PIK3CB: variants seen among roughly 807,000 people sequenced by gnomAD.
PIK3CB encodes the protein phosphatidylinositol 4,5-bisphosphate 3-kinase catalytic subunit beta isoform.
Under a neutral mutation model 136.8 loss-of-function variants are expected in PIK3CB, and 39 were observed. The observed-to-expected ratio is 0.29, with a 90% CI of 0.22 to 0.37. The LOEUF (loss-of-function observed/expected upper bound fraction) is 0.37. Ranked by LOEUF, PIK3CB falls within the 10% of genes least tolerant of loss-of-function variation. The probability of loss-of-function intolerance (pLI) is 1.00; values close to 1 mark genes in which losing one functional copy is unlikely to be tolerated. For synonymous variants in PIK3CB, 428 were observed against 436.6 expected (o/e 0.98, Z 0.25); for missense variants, 868 against 1,275.4 (o/e 0.68, Z 4.87).
At chr3:138,655,570 G>A (rs2108383088) in intron 23 of PIK3CB, 44 bp from the exon 24 acceptor site, 2 of 1,502,370 alleles carry the variant, frequency 1.3e-6, no homozygotes, top group Non-Finnish European at 1.9e-6. Flanking sequence ...AACTTTAGTA[G>A]AGATGTGCAA....
Position 138,655,461 on chromosome 3 carries a change from C to T in PIK3CB, c.3141G>A (p.Glu1047=), listed in dbSNP as rs1474289190. The T allele has an allele frequency of 1.9e-6, 3 of 1,613,622 alleles. No individual in the cohort carries two copies. The highest frequency in any genetic ancestry group is 2.5e-6 in the Non-Finnish European group (3 of 1,179,500). ...ALKQFKQKFD[E]ALRESWTTKV... ...TAGTAGTCCAGCTTTCCCTGAGCGC[C>T]TCATCAAATTTTTGCTTAAACTGTT... The change falls in exon 24 of 24, where the codon GAG becomes GAA. Residue 1047 remains glutamate, a synonymous_variant. Transcript: ENST00000674063.
chr3:138,767,263 CT>C (rs1349949093), intron 2 of PIK3CB, among the ~76,000 whole-genome samples: 3 of 152,126 alleles, frequency 2.0e-5, no homozygotes, highest in South Asian at 2.1e-4. Flanking sequence ...TTATATAAGA[CT>C]TTTTTTGTTA....
At chr3:138,693,992 A>ATATT (rs2044081593) in intron 14 of PIK3CB, among the ~76,000 whole-genome samples, 2 of 113,324 alleles carry the variant, frequency 1.8e-5, no homozygotes, top group Non-Finnish European at 1.8e-5. Flanking sequence ...ATATATATAT[A>ATATT]TTTTAAACCC....
At chr3:138,665,616 G>A (rs551720215) in intron 19 of PIK3CB, among the ~76,000 whole-genome samples, 7 of 152,284 alleles carry the variant, frequency 4.6e-5, no homozygotes, top group South Asian at 4.1e-4. Context: ...GGGAAACTCC[G>A]TCCTTCTGGT....
intron 10 of PIK3CB, among the ~76,000 whole-genome samples, chr3:138,708,976 T>G (rs1252946456): frequency 6.6e-6 from 1 of 151,618 alleles, no homozygotes; most frequent in Non-Finnish European, 1.5e-5. Context: ...GGAGACAGAG[T>G]CTCACTATGT....
chr3:138,735,869 TATATG>T (rs1185548024), intron 6 of PIK3CB, among the ~76,000 whole-genome samples: 12 of 152,170 alleles, frequency 7.9e-5, no homozygotes, highest in East Asian at 1.9e-4. Flanking sequence ...TCAGAAGTTA[TATATG>T]ATATTATGAT....
chr3:138,765,308 C>A (rs929279788), intron 2 of PIK3CB, among the ~76,000 whole-genome samples: 1 of 151,896 alleles, frequency 6.6e-6, no homozygotes, highest in Non-Finnish European at 1.5e-5. Flanking sequence ...CAGAGCAAGA[C>A]TCCATTTCCA....
chr3:138,669,137 T>G (rs536406427), intron 19 of PIK3CB, among the ~76,000 whole-genome samples: 4 of 152,164 alleles, frequency 2.6e-5, no homozygotes, highest in African/African-American at 9.6e-5. Context: ...GTAGGCCAGG[T>G]GCGGTGGCTC....
chr3:138,724,806 C>T (rs530572487), intron 8 of PIK3CB, among the ~76,000 whole-genome samples: 5 of 152,226 alleles, frequency 3.3e-5, no homozygotes, highest in East Asian at 1.9e-4. Flanking sequence ...AAAGCCACGG[C>T]GGAGACCAAA....
chr3:138,702,439 C>G (rs938810191), intron 12 of PIK3CB, among the ~76,000 whole-genome samples: 2 of 152,054 alleles, frequency 1.3e-5, no homozygotes, highest in African/African-American at 4.8e-5. Context: ...GTATATCAGA[C>G]CTGGGCAAGA....
intron 21 of PIK3CB, among the ~76,000 whole-genome samples, chr3:138,658,428 T>C (rs1409018780): frequency 1.3e-5 from 2 of 152,058 alleles, no homozygotes; most frequent in Non-Finnish European, 2.9e-5. Flanking sequence ...CTTGCCTGGG[T>C]GACAGAGTAA....
At chr3:138,762,363 T>C (rs1168833829) in intron 2 of PIK3CB, among the ~76,000 whole-genome samples, 3 of 152,260 alleles carry the variant, frequency 2.0e-5, no homozygotes, top group Non-Finnish European at 4.4e-5. Context: ...GTCTTACTTT[T>C]AGCCATGCTA....
chr3:138,745,481 A>G (rs1471752287), intron 4 of PIK3CB, among the ~76,000 whole-genome samples: 1 of 152,052 alleles, frequency 6.6e-6, no homozygotes, highest in East Asian at 1.9e-4. Context: ...AAAAACACAA[A>G]AATTAGCCAG....
chr3:138,666,870 A>G (rs956709436), intron 19 of PIK3CB, among the ~76,000 whole-genome samples: 6 of 152,166 alleles, frequency 3.9e-5, no homozygotes, highest in African/African-American at 1.2e-4. Context: ...TGATCTCTGT[A>G]TAAGGAAGAA....
At chr3:138,789,887 C>T (rs2046029078) in intron 2 of PIK3CB, among the ~76,000 whole-genome samples, 1 of 152,136 alleles carries the variant, frequency 6.6e-6, no homozygotes, top group Admixed American at 6.6e-5. Context: ...GACGGGGTTT[C>T]ACCATGTTGG....
rs188519772 is a variant in PIK3CB, at chr3:138,677,079, T to G, written c.2504+4888A>C. On this transcript the variant is annotated intron_variant, in intron 19 of 23. Coordinates refer to ENST00000674063, the MANE Select transcript of PIK3CB (RefSeq NM_006219.3). ...CAAGATTTTTTTTTTTTTTTTGAGA[T>G]GGAGCTTCGCTCTTGTTGCCCAGGC... Among the ~76,000 whole-genome samples, 565 of 143,410 alleles carry G rather than the reference T, an allele frequency of 3.9e-3. 3 individuals are homozygous for G. Among genetic ancestry groups the G allele is most frequent in the African/African-American group, 0.014 (541 of 39,458 alleles). The allele number at this position is 143,410 out of a possible 152,430, so 94.1% of individuals were successfully genotyped here. A position where few individuals can be genotyped will look rare whatever the true frequency, so the allele number is the denominator to read the frequency against.
At chr3:138,784,870 G>A (rs1227016846) in intron 2 of PIK3CB, among the ~76,000 whole-genome samples, 2 of 152,040 alleles carry the variant, frequency 1.3e-5, no homozygotes, top group African/African-American at 4.8e-5. Flanking sequence ...GAAGTGAGGA[G>A]CGTCTCCCTG....
At chr3:138,781,351 T>C (rs2045921314) in intron 2 of PIK3CB, among the ~76,000 whole-genome samples, 1 of 151,296 alleles carries the variant, frequency 6.6e-6, no homozygotes, top group African/African-American at 2.4e-5. Context: ...TGGTGGCTCA[T>C]AGCTGTAATC....
chr3:138,739,407 C>A (rs1417673386), intron 5 of PIK3CB, among the ~76,000 whole-genome samples: 2 of 151,772 alleles, frequency 1.3e-5, no homozygotes, highest in Non-Finnish European at 2.9e-5. Context: ...TGTGTCACTG[C>A]ACTCCAGCCT....
Sources: gnomAD v4.1 joint callset for allele counts (sites outside exome capture counted in the v4.1 genomes callset) on GRCh38, gnomAD v4.1.1 for gene constraint, MANE v1.5 for transcripts, NCBI Gene and HGNC (gene_info 2026-07-23, HGNC 2026-07-21) for gene names.